Variants in NEGR1 observed in about 807,000 individuals in gnomAD.
The protein encoded by NEGR1 is IgLON family member 4.
Under a neutral mutation model 40.9 loss-of-function variants are expected in NEGR1, and 10 were observed. The ratio of observed to expected loss-of-function variants is 0.24; its 90% CI spans 0.15 to 0.42. NEGR1 has a LOEUF of 0.42. NEGR1 is among the 10% of genes least tolerant of loss of function. The pLI, the probability that NEGR1 is intolerant of heterozygous loss-of-function variation, is 1.00. For synonymous variants in NEGR1, 185 were observed against 166.8 expected (o/e 1.11, Z -0.84); for missense variants, 352 against 438.9 (o/e 0.80, Z 1.77).
At chr1:71,635,099 G>A (rs138947905) in intron 4 of NEGR1, among the ~76,000 whole-genome samples, 1 of 152,084 alleles carries the variant, frequency 6.6e-6, no homozygotes, top group African/African-American at 2.4e-5. Flanking sequence ...AATCTGAGTG[G>A]CCAGTTCAGA....
chr1:71,664,315 C>A (rs570923707), intron 4 of NEGR1, among the ~76,000 whole-genome samples: 1 of 152,240 alleles, frequency 6.6e-6, no homozygotes, highest in East Asian at 1.9e-4. Context: ...TTAATTACTG[C>A]AATGTTTGCC....
chr1:71,623,380 C>A (rs1259771812), intron 4 of NEGR1, among the ~76,000 whole-genome samples: 1 of 151,850 alleles, frequency 6.6e-6, no homozygotes, highest in Non-Finnish European at 1.5e-5. Context: ...CCTACTCAAA[C>A]CTGCATCTTG....
At chr1:72,169,229 A>G (rs1157072) in intron 1 of NEGR1, among the ~76,000 whole-genome samples, 5,376 of 152,200 alleles carry the variant, frequency 0.035, 138 homozygotes, top group Non-Finnish European at 0.052. Context: ...AATTCTTACA[A>G]TGTCTGTATT....
chr1:71,533,765 A>G (rs1647430722), intron 6 of NEGR1, among the ~76,000 whole-genome samples: 2 of 151,672 alleles, frequency 1.3e-5, no homozygotes, highest in South Asian at 2.1e-4. Flanking sequence ...GAAGTGTTAA[A>G]TGATGGTGAT....
intron 1 of NEGR1, among the ~76,000 whole-genome samples, chr1:71,942,360 C>T (rs1384705526): frequency 6.9e-6 from 1 of 144,022 alleles, no homozygotes; most frequent in East Asian, 2.0e-4. Flanking sequence ...TACTTAACGC[C>T]TCTCTGAAAT....
At chr1:71,760,768 A>G (rs1164397150) in intron 3 of NEGR1, among the ~76,000 whole-genome samples, 8 of 152,134 alleles carry the variant, frequency 5.3e-5, no homozygotes, top group Admixed American at 4.6e-4. Context: ...GTTCATAAAG[A>G]ATTACAGTGT....
At chr1:71,520,062 G>T (rs975740502) in intron 6 of NEGR1, among the ~76,000 whole-genome samples, 2 of 152,016 alleles carry the variant, frequency 1.3e-5, no homozygotes, top group African/African-American at 2.4e-5. Flanking sequence ...CTAAAAATAT[G>T]GGTGAGAAGG....
intron 1 of NEGR1, among the ~76,000 whole-genome samples, chr1:72,253,816 T>C (rs897195333): frequency 8.5e-5 from 13 of 152,170 alleles, no homozygotes; most frequent in African/African-American, 3.1e-4. Flanking sequence ...GATATTGAAA[T>C]GGAGATTTCA....
intron 2 of NEGR1, among the ~76,000 whole-genome samples, chr1:71,849,388 G>A (rs545409201): frequency 6.6e-6 from 1 of 152,290 alleles, no homozygotes; most frequent in Admixed American, 6.5e-5. Context: ...AGTGGAGCCT[G>A]AGATGTGATT....
At chr1:71,608,403 A>C (rs2101539233) in intron 5 of NEGR1, among the ~76,000 whole-genome samples, 1 of 152,232 alleles carries the variant, frequency 6.6e-6, no homozygotes, top group Non-Finnish European at 1.5e-5. Flanking sequence ...ACAGTAGGAA[A>C]AAAAAAATCA....
intron 1 of NEGR1, among the ~76,000 whole-genome samples, chr1:72,134,724 T>A (rs1351296634): frequency 4.6e-5 from 7 of 151,522 alleles, no homozygotes; most frequent in East Asian, 2.0e-4. Flanking sequence ...ATATTTAATT[T>A]ATTTATTTAT....
chr1:71,593,831 TA>T (rs1649587295), intron 5 of NEGR1, among the ~76,000 whole-genome samples: 1 of 152,212 alleles, frequency 6.6e-6, no homozygotes, highest in Admixed American at 6.5e-5. Flanking sequence ...CATTTAGGTC[TA>T]ACCTAAGACT....
intron 2 of NEGR1, among the ~76,000 whole-genome samples, chr1:71,842,307 C>A (rs1013922031): frequency 6.6e-6 from 1 of 152,068 alleles, no homozygotes; most frequent in Non-Finnish European, 1.5e-5. Context: ...AGGGGAAATC[C>A]ACTACCTATC....
chr1:72,154,312 C>T (rs1247508122), intron 1 of NEGR1, among the ~76,000 whole-genome samples: 4 of 151,816 alleles, frequency 2.6e-5, no homozygotes, highest in Admixed American at 2.0e-4. Flanking sequence ...AAGACCCCTC[C>T]CCAAATTTTC....
intron 3 of NEGR1, among the ~76,000 whole-genome samples, chr1:71,763,319 A>G (rs1656011732): frequency 6.6e-6 from 1 of 152,138 alleles, no homozygotes; most frequent in Non-Finnish European, 1.5e-5. Context: ...AACAGTAGTA[A>G]CTGGCTTTAT....
intron 1 of NEGR1, among the ~76,000 whole-genome samples, chr1:71,996,786 C>T (rs559707280): frequency 3.3e-5 from 5 of 152,164 alleles, no homozygotes; most frequent in African/African-American, 1.2e-4. Flanking sequence ...CTTTCTTTGT[C>T]GTACACACCT....
chr1:71,676,553 T>C (rs904934022), intron 4 of NEGR1, among the ~76,000 whole-genome samples: 14 of 152,184 alleles, frequency 9.2e-5, no homozygotes, highest in Admixed American at 1.3e-4. Context: ...CAACCATTGT[T>C]GGGTGTCAGA....
chr1:72,226,252 C>T (rs930698561), intron 1 of NEGR1, among the ~76,000 whole-genome samples: 1 of 151,910 alleles, frequency 6.6e-6, no homozygotes, highest in Non-Finnish European at 1.5e-5. Context: ...AATCATATTA[C>T]ACAATGTTAC....
At chr1:71,978,212 TTA>T (rs71788673) in intron 1 of NEGR1, among the ~76,000 whole-genome samples, 2,781 of 152,178 alleles carry the variant, frequency 0.018, 85 homozygotes, top group African/African-American at 0.064. Context: ...TGTCTGAAAA[TTA>T]TATGAGACTG....
Sources: allele counts gnomAD v4.1 joint callset (sites outside exome capture counted in the v4.1 genomes callset), GRCh38; gene constraint gnomAD v4.1.1; transcripts MANE v1.5; gene names NCBI Gene and HGNC (gene_info 2026-07-23, HGNC 2026-07-21).